Variants in PCDH9 observed in about 807,000 individuals in gnomAD.
The protein encoded by PCDH9 is protocadherin 9.
A neutral mutation model predicts 70.6 loss-of-function variants in PCDH9; 24 were observed. That is an observed-to-expected ratio of 0.34 (90% CI 0.25 to 0.48). The LOEUF (loss-of-function observed/expected upper bound fraction) is 0.48. Among genes scored for constraint, PCDH9 ranks in the 20% least tolerant of loss-of-function variants. The pLI is 0.99. For synonymous variants in PCDH9, 562 were observed against 558.5 expected (o/e 1.01, Z -0.09); for missense variants, 1,281 against 1,503.6 (o/e 0.85, Z 2.45).
intron 4 of PCDH9, among the ~76,000 whole-genome samples, chr13:66,593,365 T>A (rs1264878551): frequency 6.6e-6 from 1 of 151,758 alleles, no homozygotes; most frequent in African/African-American, 2.4e-5. Context: ...TATGAATTTT[T>A]AAAAATAAAT....
intron 4 of PCDH9, among the ~76,000 whole-genome samples, chr13:66,338,498 AT>A (rs1326756628): frequency 1.3e-5 from 2 of 152,130 alleles, no homozygotes; most frequent in African/African-American, 4.8e-5. Context: ...GCTTTTTAAT[AT>A]TTGGTTTCAT....
intron 4 of PCDH9, among the ~76,000 whole-genome samples, chr13:66,549,784 C>T (rs1961397624): frequency 6.6e-6 from 1 of 151,998 alleles, no homozygotes; most frequent in Admixed American, 6.6e-5. Flanking sequence ...CTTTGGGAGG[C>T]CAATGCTGGA....
intron 2 of PCDH9, among the ~76,000 whole-genome samples, chr13:66,956,468 G>T (rs2083266892): frequency 6.6e-6 from 1 of 152,074 alleles, no homozygotes; most frequent in South Asian, 2.1e-4. Context: ...TAGGAATTTG[G>T]CCAGGTGCGG....
At chr13:67,200,011 C>G (rs967360739) in intron 2 of PCDH9, among the ~76,000 whole-genome samples, 2 of 152,022 alleles carry the variant, frequency 1.3e-5, no homozygotes, top group African/African-American at 4.8e-5. Context: ...CTAAATGCCT[C>G]TGGTTAAAAT....
intron 4 of PCDH9, among the ~76,000 whole-genome samples, chr13:66,574,861 A>T (rs751440116): frequency 1.3e-5 from 2 of 152,170 alleles, no homozygotes; most frequent in Admixed American, 1.3e-4. Flanking sequence ...GGAAATAAAG[A>T]ATGACCTAGT....
chr13:66,803,553 A>C (rs1045073749), intron 3 of PCDH9, among the ~76,000 whole-genome samples: 3 of 152,088 alleles, frequency 2.0e-5, no homozygotes, highest in Admixed American at 1.3e-4. Context: ...ATGAAATCAC[A>C]AAACCACTTG....
chr13:66,524,805 T>A (rs1960142509), intron 4 of PCDH9, among the ~76,000 whole-genome samples: 1 of 151,994 alleles, frequency 6.6e-6, no homozygotes, highest in African/African-American at 2.4e-5. Flanking sequence ...TTTTGGGAAG[T>A]CAAAAAGTAG....
At chr13:66,757,073 G>A (rs1458083453) in intron 3 of PCDH9, among the ~76,000 whole-genome samples, 1 of 152,218 alleles carries the variant, frequency 6.6e-6, no homozygotes, top group East Asian at 1.9e-4. Flanking sequence ...CTGACATCAA[G>A]TGATCCACCC....
At chr13:66,819,169 T>C (rs889954103) in intron 3 of PCDH9, among the ~76,000 whole-genome samples, 4 of 152,078 alleles carry the variant, frequency 2.6e-5, no homozygotes, top group African/African-American at 9.7e-5. Flanking sequence ...GTGAAAATCA[T>C]ATTCTAAATA....
intron 2 of PCDH9, among the ~76,000 whole-genome samples, chr13:66,937,926 C>A (rs567320843): frequency 5.1e-4 from 78 of 152,064 alleles, no homozygotes; most frequent in Non-Finnish European, 1.0e-3. Flanking sequence ...TCATTCATTG[C>A]TCAATAAAAC....
intron 4 of PCDH9, among the ~76,000 whole-genome samples, chr13:66,417,529 T>G (rs1957481473): frequency 6.6e-6 from 1 of 152,198 alleles, no homozygotes; most frequent in African/African-American, 2.4e-5. Flanking sequence ...TTATAATCCT[T>G]TGATATATAC....
intron 2 of PCDH9, among the ~76,000 whole-genome samples, chr13:66,908,262 C>T (rs1202194647): frequency 6.6e-6 from 1 of 152,136 alleles, no homozygotes; most frequent in Non-Finnish European, 1.5e-5. Flanking sequence ...TAAGTACTAC[C>T]TCTTCTTGTT....
chr13:66,840,324 T>C (rs2081094980), intron 3 of PCDH9, among the ~76,000 whole-genome samples: 1 of 152,222 alleles, frequency 6.6e-6, no homozygotes, highest in South Asian at 2.1e-4. Flanking sequence ...ATTAGATAAC[T>C]TGGAGATTCC....
chr13:66,711,846 C>T (rs2078799049), intron 3 of PCDH9, among the ~76,000 whole-genome samples: 1 of 152,034 alleles, frequency 6.6e-6, no homozygotes, highest in South Asian at 2.1e-4. Context: ...ATTTTTTAGC[C>T]CTTGTTGTCT....
At chr13:67,211,171 T>C (rs2089460281) in intron 2 of PCDH9, 1 of 152,020 alleles carries the variant, frequency 6.6e-6, no homozygotes, top group Non-Finnish European at 1.5e-5. Flanking sequence ...TTTTAACCAA[T>C]AATATTTAAT....
chr13:67,042,693 A>T (rs995276162), intron 2 of PCDH9, among the ~76,000 whole-genome samples: 1 of 152,188 alleles, frequency 6.6e-6, no homozygotes, highest in African/African-American at 2.4e-5. Context: ...CTTGTCTATT[A>T]TGCACCAGGC....
At chr13:66,694,147 A>T (rs553121149) in intron 3 of PCDH9, among the ~76,000 whole-genome samples, 1 of 152,330 alleles carries the variant, frequency 6.6e-6, no homozygotes, top group African/African-American at 2.4e-5. Flanking sequence ...GTGACATTGC[A>T]ACTCAAAGCT....
At chr13:66,799,769 C>A (rs1325696833) in intron 3 of PCDH9, among the ~76,000 whole-genome samples, 1 of 152,158 alleles carries the variant, frequency 6.6e-6, no homozygotes, top group African/African-American at 2.4e-5. Flanking sequence ...TTTACAATGT[C>A]AGAAACCAGG....
At chr13:66,439,057 A>G (rs971044923) in intron 4 of PCDH9, among the ~76,000 whole-genome samples, 3 of 152,196 alleles carry the variant, frequency 2.0e-5, no homozygotes, top group Admixed American at 6.5e-5. Flanking sequence ...TTTATACAGA[A>G]AATTCTGTAC....
Sources: gnomAD v4.1 joint callset for allele counts (sites outside exome capture counted in the v4.1 genomes callset) on GRCh38, gnomAD v4.1.1 for gene constraint, MANE v1.5 for transcripts, NCBI Gene and HGNC (gene_info 2026-07-23, HGNC 2026-07-21) for gene names.